Variants in EPHA4 observed in about 807,000 individuals in gnomAD.
EPHA4 encodes ephrin type-A receptor 4.
In EPHA4, 19 loss-of-function variants were observed where a neutral mutation model predicts 108.3. The observed-to-expected ratio is 0.18, with a 90% CI of 0.12 to 0.26. The LOEUF is 0.26. Ranked by LOEUF, EPHA4 falls within the 10% of genes least tolerant of loss-of-function variation. The probability of loss-of-function intolerance (pLI) is 1.00; values close to 1 mark genes in which losing one functional copy is unlikely to be tolerated. For synonymous variants in EPHA4, 449 were observed against 455.5 expected (o/e 0.99, Z 0.18); for missense variants, 917 against 1,254.0 (o/e 0.73, Z 4.06).
At chr2:221,471,890 A>G (rs1298209710) in intron 5 of EPHA4, among the ~76,000 whole-genome samples, 1 of 152,106 alleles carries the variant, frequency 6.6e-6, no homozygotes, top group East Asian at 1.9e-4. Context: ...AACAATAAGA[A>G]CCTTTATCAC....
chr2:221,436,353 A>T, intron 13 of EPHA4, 46 bp downstream of exon 13: 1 of 1,573,376 alleles, frequency 6.4e-7, no homozygotes, highest in South Asian at 1.1e-5. Flanking sequence ...GAAGAGAGGA[A>T]CAGTTTCACC....
chr2:221,544,020 C>A (rs1435704457), intron 3 of EPHA4, among the ~76,000 whole-genome samples: 1 of 152,026 alleles, frequency 6.6e-6, no homozygotes, highest in Non-Finnish European at 1.5e-5. Flanking sequence ...CTTGCTATAT[C>A]CTGACATGGT....
intron 3 of EPHA4, among the ~76,000 whole-genome samples, chr2:221,519,102 G>C (rs139602350): frequency 1.8e-3 from 275 of 152,282 alleles, no homozygotes; most frequent in African/African-American, 6.2e-3. Flanking sequence ...TCCCTTTGCA[G>C]AGTTAGTCAC....
chr2:221,573,327 A>C (rs555668741), upstream of EPHA4: 1 of 152,176 alleles, frequency 6.6e-6, no homozygotes, highest in Non-Finnish European at 1.5e-5. The surrounding 1 kb of genome is among the most constrained non-coding windows in gnomAD (Gnocchi z 4.5). Context: ...GACGGCGAGC[A>C]GGAGGACCCG....
chr2:221,522,760 TATTATTATTA>T (rs1355456310), intron 3 of EPHA4, among the ~76,000 whole-genome samples: 45 of 133,256 alleles, frequency 3.4e-4, no homozygotes, highest in African/African-American at 1.1e-3. Flanking sequence ...TTATTATTAT[TATTATTATTA>T]TTATTTTTTT....
chr2:221,532,181 G>A (rs1363119151), intron 3 of EPHA4, among the ~76,000 whole-genome samples: 2 of 151,744 alleles, frequency 1.3e-5, no homozygotes. Flanking sequence ...GGAGTGCAGT[G>A]GCATGATCTT....
In EPHA4 at chr2:221,434,180, A is replaced by G; in HGVS notation, c.2458T>C (p.Tyr820His). ...ATATCCCAATAGGGCCTCTCCCCGTACGACATCACTTCCCACATAACGATT... is the reference window on the plus strand; with the variant it reads ...ATATCCCAATAGGGCCTCTCCCCGTGCGACATCACTTCCCACATAACGATT... The part of the protein sequence containing the change: ...YGIVMWEVMS[Y>H]GERPYWDMSN... The change falls in exon 14 of 18, where the codon TAC (tyrosine) becomes CAC (histidine). Residue 820 changes from tyrosine to histidine, a missense_variant. Around this residue, in one of 3 missense-constraint regions of EPHA4, gnomAD observed 758 missense variants for 1,076.7 expected, o/e 0.70. Coordinates refer to ENST00000281821, the MANE Select transcript of EPHA4 (RefSeq NM_004438.5). The G allele has an allele frequency of 6.2e-7, 1 of 1,614,120 alleles. No homozygotes were observed. Among genetic ancestry groups the G allele is most frequent in the Non-Finnish European group, 8.5e-7 (1 of 1,179,984 alleles).
rs768819968 is a variant in EPHA4 at position 221,443,619 on chromosome 2, CATG to C, written c.1775-16_1775-14del. The C allele has an allele frequency of 1.3e-5, 20 of 1,592,624 alleles. No individual in the cohort carries two copies. The highest frequency in any genetic ancestry group is 1.5e-5 in the Non-Finnish European group (18 of 1,161,646). On this transcript the variant is annotated splice_polypyrimidine_tract_variant and intron_variant, in intron 9 of 17. Transcript: ENST00000281821. ...TATGTTCTTACACCTGAGTGATAAACATGATAAGTTGGCTGAATACTTCTAAGG... is the reference window on the plus strand; with the variant it reads ...TATGTTCTTACACCTGAGTGATAAACATAAGTTGGCTGAATACTTCTAAGG...
At chr2:221,540,883 G>T (rs957220355) in intron 3 of EPHA4, among the ~76,000 whole-genome samples, 2 of 150,494 alleles carry the variant, frequency 1.3e-5, no homozygotes, top group South Asian at 2.1e-4. Flanking sequence ...TACATTAAAA[G>T]AAACTGATGT....
At chr2:221,569,697 AG>A (rs1224889653) in intron 1 of EPHA4, among the ~76,000 whole-genome samples, 1 of 151,606 alleles carries the variant, frequency 6.6e-6, no homozygotes, top group Admixed American at 6.6e-5. Context: ...CCCACCTCAA[AG>A]GAACCACTGG....
At chr2:221,509,571 G>A (rs925024721) in intron 3 of EPHA4, among the ~76,000 whole-genome samples, 1 of 152,114 alleles carries the variant, frequency 6.6e-6, no homozygotes, top group African/African-American at 2.4e-5. Context: ...TTTTAAAATG[G>A]CTGTAGGGGA....
At chr2:221,560,422 G>GA (rs549083559) in intron 3 of EPHA4, among the ~76,000 whole-genome samples, 4 of 150,304 alleles carry the variant, frequency 2.7e-5, no homozygotes, top group Non-Finnish European at 5.9e-5. Context: ...TATCGAGGAG[G>GA]AAAAAAAAAT....
chr2:221,439,846 C>A (rs958091340), intron 11 of EPHA4, among the ~76,000 whole-genome samples: 2 of 152,156 alleles, frequency 1.3e-5, no homozygotes, highest in African/African-American at 2.4e-5. Flanking sequence ...GAGGGTCATG[C>A]GGAGAATTTA....
intron 3 of EPHA4, among the ~76,000 whole-genome samples, chr2:221,504,510 G>A (rs1168785640): frequency 6.7e-6 from 1 of 149,208 alleles, no homozygotes; most frequent in Admixed American, 6.8e-5. Context: ...CCAATTTAAT[G>A]AGCTGATTAC....
intron 5 of EPHA4, among the ~76,000 whole-genome samples, chr2:221,482,108 T>TCTACAAA (rs1691838013): frequency 6.6e-6 from 1 of 152,156 alleles, no homozygotes; most frequent in East Asian, 1.9e-4. Context: ...GGTGTCATCG[T>TCTACAAA]GTTGCCCAGT....
In EPHA4 at chr2:221,564,207, C is replaced by T; in HGVS notation, c.347G>A (p.Gly116Glu). ...RDCNSLPGVMGTCKETFNLYY... is the reference protein window; with the variant it reads ...RDCNSLPGVMETCKETFNLYY... ...CAGGTTAAACGTCTCCTTGCAAGTC[C>T]CCATGACGCCCGGAAGACTATTGCA... Residue 116 changes from glycine to glutamate, a missense_variant, in exon 3 of 18, where the codon GGG (glycine) becomes GAG (glutamate). Around this residue, in one of 3 missense-constraint regions of EPHA4, gnomAD observed 758 missense variants for 1,076.7 expected, o/e 0.70. Transcript: ENST00000281821. The T allele has an allele frequency of 6.2e-7, 1 of 1,614,082 alleles. No individual in the cohort carries two copies. Among genetic ancestry groups the T allele is most frequent in the Non-Finnish European group, 8.5e-7 (1 of 1,180,018 alleles).
chr2:221,485,159 A>G (rs1221475667), intron 4 of EPHA4, among the ~76,000 whole-genome samples: 2 of 152,210 alleles, frequency 1.3e-5, no homozygotes, highest in Admixed American at 1.3e-4. Context: ...TGAATCAAGC[A>G]CCACAGAAGC....
chr2:221,444,437 T>C (rs1690524358), intron 9 of EPHA4, among the ~76,000 whole-genome samples: 1 of 150,538 alleles, frequency 6.6e-6, no homozygotes, highest in African/African-American at 2.4e-5. Context: ...ACAGAGGGTA[T>C]GAAGGACACC....
chr2:221,551,993 G>T (rs1694177672), intron 3 of EPHA4, among the ~76,000 whole-genome samples: 2 of 152,020 alleles, frequency 1.3e-5, no homozygotes, highest in Admixed American at 1.3e-4. Flanking sequence ...GCACTTCTTT[G>T]CTGGCACCTC....
Sources: gnomAD v4.1 joint callset for allele counts (sites outside exome capture counted in the v4.1 genomes callset) on GRCh38, gnomAD v4.1.1 for gene constraint, gnomAD v4.1.1 regional missense constraint, Gnocchi (gnomAD v3.1) non-coding constraint, MANE v1.5 for transcripts, NCBI Gene and HGNC (gene_info 2026-07-23, HGNC 2026-07-21) for gene names.